The following PRKCB variants were observed in gnomAD, a reference collection of about 807,000 sequenced individuals.
PRKCB encodes protein kinase C beta.
In PRKCB, 13 loss-of-function variants were observed where a neutral mutation model predicts 81.5. The observed-to-expected ratio is 0.16, with a 90% CI of 0.10 to 0.25. The LOEUF is 0.25. Ranked by LOEUF, PRKCB falls within the 10% of genes least tolerant of loss-of-function variation. The pLI is 1.00. For missense variants in PRKCB, 509 were observed against 875.7 expected (o/e 0.58, Z 5.29); for synonymous variants, 335 against 321.4 (o/e 1.04, Z -0.45).
At chr16:23,842,134 T>A (rs1962278776) in intron 2 of PRKCB, among the ~76,000 whole-genome samples, 1 of 152,132 alleles carries the variant, frequency 6.6e-6, no homozygotes, top group Non-Finnish European at 1.5e-5. Flanking sequence ...GGCAATAAAA[T>A]ATAGAGATTC....
chr16:24,039,637 G>A (rs990339511), intron 5 of PRKCB, among the ~76,000 whole-genome samples: 1 of 152,198 alleles, frequency 6.6e-6, no homozygotes, highest in Non-Finnish European at 1.5e-5. Context: ...GAGGTGGGAA[G>A]GTAGAGTAAC....
chr16:24,114,834 A>G (rs545469417), intron 8 of PRKCB, among the ~76,000 whole-genome samples: 74 of 151,936 alleles, frequency 4.9e-4, no homozygotes, highest in Non-Finnish European at 1.5e-4. Flanking sequence ...ATTGTTATTC[A>G]TCAAATAATG....
intron 2 of PRKCB, among the ~76,000 whole-genome samples, chr16:23,887,409 C>T (rs1963220910): frequency 6.6e-6 from 1 of 152,130 alleles, no homozygotes; most frequent in African/African-American, 2.4e-5. Flanking sequence ...TGTGTATACC[C>T]CTTGTTTAGC....
chr16:23,873,850 T>A (rs1858867), intron 2 of PRKCB, among the ~76,000 whole-genome samples: 112,023 of 152,024 alleles, frequency 0.74, 41,550 homozygotes, highest in East Asian at 0.95. Context: ...CTTTTCAAGG[T>A]TTTCAAATAT....
At chr16:23,929,240 G>A (rs1963938922) in intron 2 of PRKCB, among the ~76,000 whole-genome samples, 1 of 152,126 alleles carries the variant, frequency 6.6e-6, no homozygotes, top group South Asian at 2.1e-4. Context: ...AATACGAGGA[G>A]GACTTTGATG....
intron 2 of PRKCB, among the ~76,000 whole-genome samples, chr16:23,940,361 G>A (rs1964125677): frequency 6.6e-6 from 1 of 151,816 alleles, no homozygotes. Context: ...ATAAATCAAA[G>A]CTTAAAGGCT....
At chr16:23,925,546 C>T (rs1271988074) in intron 2 of PRKCB, among the ~76,000 whole-genome samples, 1 of 152,112 alleles carries the variant, frequency 6.6e-6, no homozygotes, top group Non-Finnish European at 1.5e-5. Context: ...GTCTTGTCAG[C>T]CTTGAAGTGC....
At chr16:23,959,021 A>G (rs980530341) in intron 2 of PRKCB, among the ~76,000 whole-genome samples, 5 of 152,224 alleles carry the variant, frequency 3.3e-5, no homozygotes, top group African/African-American at 4.8e-5. Context: ...CATTTGTAAA[A>G]TGTATATAAT....
intron 2 of PRKCB, among the ~76,000 whole-genome samples, chr16:23,863,592 C>T (rs759564862): frequency 1.3e-5 from 2 of 152,208 alleles, no homozygotes; most frequent in East Asian, 3.9e-4. Flanking sequence ...ATTTGTGCCT[C>T]GAAATAGAAT....
chr16:24,091,698 C>A (rs1416698284), intron 5 of PRKCB, among the ~76,000 whole-genome samples: 1 of 152,142 alleles, frequency 6.6e-6, no homozygotes, highest in African/African-American at 2.4e-5. Context: ...GCAAGCTCTG[C>A]CTCCTGGGTT....
At chr16:24,088,254 G>T (rs914357101) in intron 5 of PRKCB, among the ~76,000 whole-genome samples, 3 of 152,194 alleles carry the variant, frequency 2.0e-5, no homozygotes, top group Non-Finnish European at 4.4e-5. Flanking sequence ...TCTTGGAGAT[G>T]TGAATGCCAG....
intron 5 of PRKCB, among the ~76,000 whole-genome samples, chr16:24,067,138 C>G (rs1396204258): frequency 6.6e-6 from 1 of 152,140 alleles, no homozygotes; most frequent in Non-Finnish European, 1.5e-5. Context: ...AGGTGTGAGC[C>G]ACTGTACCCA....
intron 16 of PRKCB, 38 bp from the exon 17 acceptor site, chr16:24,214,620 T>TC (rs1364419293): frequency 1.9e-6 from 3 of 1,565,170 alleles, no homozygotes; most frequent in South Asian, 1.1e-5. Context: ...TTGTTTTTTT[T>TC]CCCACCCACC....
Position 24,154,861 on chromosome 16 carries a change from A to G in PRKCB, c.1239+4A>G, listed in dbSNP as rs1258466266. ...CCACTCCTGCTTCCAGACCATGGTA[A>G]CTTGTCCCATGGCCCTGGGTATTCC... On this transcript the variant is annotated splice_donor_region_variant and intron_variant, in intron 10 of 16. Coordinates refer to ENST00000643927, the MANE Select transcript of PRKCB (RefSeq NM_002738.7). 1 of 1,612,846 alleles carries G rather than the reference A, an allele frequency of 6.2e-7. No individual in the cohort carries two copies.
chr16:24,087,910 G>T (rs1966328995), intron 5 of PRKCB, among the ~76,000 whole-genome samples: 1 of 152,196 alleles, frequency 6.6e-6, no homozygotes, highest in Non-Finnish European at 1.5e-5. Flanking sequence ...CCCACGGCAA[G>T]CAGTGTTCTC....
At chr16:24,058,555 T>G (rs1218044993) in intron 5 of PRKCB, among the ~76,000 whole-genome samples, 1 of 152,128 alleles carries the variant, frequency 6.6e-6, no homozygotes, top group Non-Finnish European at 1.5e-5. Context: ...GGACCATAGA[T>G]TGTAGCTATG....
At chr16:24,103,008 GA>G (rs1463163550) in intron 7 of PRKCB, among the ~76,000 whole-genome samples, 4 of 152,090 alleles carry the variant, frequency 2.6e-5, no homozygotes, top group African/African-American at 9.7e-5. Flanking sequence ...GAGTAGCCAG[GA>G]TTACAAGTGC....
intron 2 of PRKCB, among the ~76,000 whole-genome samples, chr16:23,969,902 C>T (rs917575935): frequency 6.6e-6 from 1 of 152,094 alleles, no homozygotes; most frequent in Admixed American, 6.5e-5. Flanking sequence ...TGGGCTTGTG[C>T]CTGACTCCAG....
chr16:23,845,339 T>C lies in PRKCB; in HGVS notation c.205+7933T>C, dbSNP rs577822479. Among the ~76,000 whole-genome samples, 11 of 151,942 alleles carry C rather than the reference T, an allele frequency of 7.2e-5. 1 individual carries two copies. In the South Asian group the frequency reaches 2.3e-3, roughly 32 times the overall value. The stretch of plus-strand genomic sequence containing the variant: ...TATAATGGGAAGCTAACCTATGTAA[T>C]GGCTGGGGATGCAGTCAGTGGTCTG... On this transcript the variant is annotated intron_variant, in intron 2 of 16. Transcript: ENST00000643927.
Sources: gnomAD v4.1 joint callset for allele counts (sites outside exome capture counted in the v4.1 genomes callset) on GRCh38, gnomAD v4.1.1 for gene constraint, MANE v1.5 for transcripts, NCBI Gene and HGNC (gene_info 2026-07-23, HGNC 2026-07-21) for gene names.